The following EVI5 variants were observed in gnomAD, a reference collection of about 807,000 sequenced individuals.
The protein encoded by EVI5 is ecotropic viral integration site 5, also known as ecotropic viral integration site 5 protein homolog.
In EVI5, 73 loss-of-function variants were observed where a neutral mutation model predicts 112.0. The ratio of observed to expected loss-of-function variants is 0.65; its 90% CI spans 0.54 to 0.79. EVI5 has a LOEUF of 0.79. EVI5 is among the 30% of genes least tolerant of loss of function. EVI5 has a pLI of 0.00. For synonymous variants in EVI5, 305 were observed against 319.9 expected (o/e 0.95, Z 0.50); for missense variants, 900 against 968.8 (o/e 0.93, Z 0.94).
At chr1:92,633,438 G>C (rs1339888033) in intron 14 of EVI5, among the ~76,000 whole-genome samples, 1 of 152,038 alleles carries the variant, frequency 6.6e-6, no homozygotes, top group Admixed American at 6.5e-5. Flanking sequence ...GGCCTTCTTT[G>C]TCTCTTTTGA....
At chr1:92,726,898 A>T (rs1255050243) in intron 2 of EVI5, among the ~76,000 whole-genome samples, 1 of 152,170 alleles carries the variant, frequency 6.6e-6, no homozygotes, top group Non-Finnish European at 1.5e-5. Flanking sequence ...ATCTTAACAC[A>T]ACCACCAAAA....
chr1:92,658,430 C>T (rs998685441), intron 13 of EVI5, among the ~76,000 whole-genome samples: 2 of 152,092 alleles, frequency 1.3e-5, no homozygotes, highest in Non-Finnish European at 2.9e-5. Flanking sequence ...TTTCTGTACA[C>T]CAATAACAAT....
intron 18 of EVI5, among the ~76,000 whole-genome samples, chr1:92,596,194 A>G (rs138911034): frequency 6.6e-5 from 10 of 152,002 alleles, no homozygotes; most frequent in African/African-American, 2.4e-4. Context: ...CCACCTCTAC[A>G]GAAAAAAAAT....
chr1:92,606,933 C>T (rs199502994), intron 17 of EVI5, among the ~76,000 whole-genome samples: 1 of 149,780 alleles, frequency 6.7e-6, no homozygotes, highest in South Asian at 2.1e-4. Context: ...CCCCCCCAAA[C>T]CCTCCCTCCT....
chr1:92,682,286 G>A (rs1667723106), intron 9 of EVI5, among the ~76,000 whole-genome samples: 1 of 152,062 alleles, frequency 6.6e-6, no homozygotes, highest in Non-Finnish European at 1.5e-5. Flanking sequence ...CCCTATCTCT[G>A]CGTGCCCTGT....
At chr1:92,594,236 G>A (rs1304185033) in intron 18 of EVI5, among the ~76,000 whole-genome samples, 1 of 152,058 alleles carries the variant, frequency 6.6e-6, no homozygotes, top group Non-Finnish European at 1.5e-5. Context: ...TAATGGAACA[G>A]AACAGAGCCC....
chr1:92,603,550 T>C (rs959169752), intron 18 of EVI5, among the ~76,000 whole-genome samples: 1 of 152,088 alleles, frequency 6.6e-6, no homozygotes, highest in Non-Finnish European at 1.5e-5. Flanking sequence ...TATAACATTA[T>C]AAAAAATGGT....
At position 92,509,984 on chromosome 1, in the gene EVI5, T is replaced by C. The variant is rs201001488; in HGVS notation, c.*3672A>G. 99 of 152,342 alleles carry C rather than the reference T, an allele frequency of 6.5e-4. 1 individual carries two copies. The highest frequency in any genetic ancestry group is 2.2e-3 in the African/African-American group (90 of 41,574). The allele number at this position is 152,342 out of a possible 1,614,324, so 9.4% of individuals were successfully genotyped here. On this transcript the variant is annotated 3_prime_UTR_variant, in exon 20 of 20. Transcript: ENST00000684568. ...CAAAGTCTTGAACAACATACTTACA[T>C]TAATTTGAATGAAAAGGAGTCAAAC... is the stretch of plus-strand genomic sequence containing the variant.
At position 92,636,303 on chromosome 1, in the gene EVI5, C is replaced by G; in HGVS notation, c.1426G>C (p.Val476Leu). ...ACCAATTCCTTCTCTAGCTGTAGCACAAAATCTTCGTTGTAGTTGGAACTG... is the reference window on the plus strand; with the variant it reads ...ACCAATTCCTTCTCTAGCTGTAGCAGAAAATCTTCGTTGTAGTTGGAACTG... ...KCSSNYNEDF[V>L]LQLEKELVQA... Residue 476 changes from valine to leucine, a missense_variant, in exon 14 of 20, where the codon GTG becomes CTG. Physicochemically the swap from Val to Leu is conservative, Grantham distance 32 (BLOSUM62 1). Coordinates refer to ENST00000684568, the MANE Select transcript of EVI5 (RefSeq NM_001350197.2). The G allele has an allele frequency of 1.2e-6, 2 of 1,613,830 alleles. No individual in the cohort carries two copies. The highest frequency in any genetic ancestry group is 1.7e-6 in the Non-Finnish European group (2 of 1,179,754).
chr1:92,732,055 A>G (rs1412829716), intron 2 of EVI5: 1 of 156,890 alleles, frequency 6.4e-6, no homozygotes, highest in African/African-American at 2.4e-5. Flanking sequence ...ACTGGGCAGC[A>G]CTGCCAGATT....
chr1:92,557,293 T>C (rs755288265), intron 19 of EVI5, among the ~76,000 whole-genome samples: 7 of 152,042 alleles, frequency 4.6e-5, no homozygotes, highest in Non-Finnish European at 1.0e-4. Context: ...TCTTTTTCTT[T>C]TTTTGTTTTT....
intron 11 of EVI5, 43 bp downstream of exon 11, chr1:92,665,895 AC>A: frequency 7.5e-7 from 1 of 1,340,614 alleles, no homozygotes; most frequent in Admixed American, 2.1e-5. Context: ...CAGAAAAAAC[AC>A]CAGGCATTCA....
chr1:92,660,352 CAT>C (rs1663763855), intron 13 of EVI5, among the ~76,000 whole-genome samples: 2 of 151,956 alleles, frequency 1.3e-5, no homozygotes, highest in East Asian at 1.9e-4. Context: ...TGATCTCACT[CAT>C]ATGTGGAATC....
intron 9 of EVI5, among the ~76,000 whole-genome samples, chr1:92,679,636 TG>T (rs1667281941): frequency 6.6e-6 from 1 of 152,216 alleles, no homozygotes; most frequent in Admixed American, 6.5e-5. Flanking sequence ...TACAGTAGTA[TG>T]GTACATTGTT....
chr1:92,520,500 G>A (rs1295609535), intron 19 of EVI5, among the ~76,000 whole-genome samples: 6 of 152,138 alleles, frequency 3.9e-5, no homozygotes, highest in African/African-American at 1.4e-4. Context: ...TGGTGGGGGT[G>A]AGGAGAATGA....
At chr1:92,650,730 C>T (rs1360567534) in intron 13 of EVI5, among the ~76,000 whole-genome samples, 2 of 151,856 alleles carry the variant, frequency 1.3e-5, no homozygotes, top group East Asian at 1.9e-4. Context: ...TCTTAAATTA[C>T]TCAATTTTAT....
chr1:92,642,776 G>A (rs1179521537), intron 13 of EVI5, among the ~76,000 whole-genome samples: 1 of 150,480 alleles, frequency 6.6e-6, no homozygotes, highest in African/African-American at 2.5e-5. Flanking sequence ...AGGGAGGGAA[G>A]GTCAGAAGAA....
At chr1:92,762,610 T>A (rs1682047429) in intron 1 of EVI5, among the ~76,000 whole-genome samples, 1 of 152,230 alleles carries the variant, frequency 6.6e-6, no homozygotes, top group Non-Finnish European at 1.5e-5. Context: ...CCTGAGGATT[T>A]TATTGCCTGC....
At chr1:92,777,691 G>A (rs1012265095) in intron 1 of EVI5, among the ~76,000 whole-genome samples, 3 of 152,204 alleles carry the variant, frequency 2.0e-5, no homozygotes, top group Admixed American at 6.5e-5. Context: ...AAAGCAGACA[G>A]TGGACTTCCA....
Sources: allele counts gnomAD v4.1 joint callset (sites outside exome capture counted in the v4.1 genomes callset), GRCh38; gene constraint gnomAD v4.1.1; transcripts MANE v1.5; gene names NCBI Gene and HGNC (gene_info 2026-07-23, HGNC 2026-07-21).